The following XRN1 variants were observed in gnomAD, a reference collection of about 807,000 sequenced individuals.
The protein encoded by XRN1 is 5'-3' exoribonuclease 1.
A neutral mutation model predicts 222.3 loss-of-function variants in XRN1; 67 were observed. The observed-to-expected ratio is 0.30, with a 90% CI of 0.25 to 0.37. The LOEUF is 0.37. XRN1 is among the 10% of genes least tolerant of loss of function. The pLI is 1.00. For synonymous variants in XRN1, 643 were observed against 652.4 expected, an observed-to-expected ratio of 0.99 and a Z score of 0.22; for missense variants, 1,707 against 2,000.2, an observed-to-expected ratio of 0.85 and a Z score of 2.80.
intron 1 of XRN1, among the ~76,000 whole-genome samples, chr3:142,433,802 C>A (rs1441698354): frequency 1.3e-5 from 2 of 152,016 alleles, no homozygotes; most frequent in African/African-American, 2.4e-5. Context: ...TAATAGAAAT[C>A]ACTTCTGAAA....
chr3:142,374,051 G>C (rs946113794), intron 25 of XRN1, among the ~76,000 whole-genome samples: 2 of 152,048 alleles, frequency 1.3e-5, no homozygotes, highest in Non-Finnish European at 2.9e-5. Flanking sequence ...TCTACACCCA[G>C]GCAAACTATC....
At chr3:142,397,606 T>C in intron 19 of XRN1, 146 bp from the exon 20 acceptor site, 1 of 506,308 alleles carries the variant, frequency 2.0e-6, no homozygotes. Context: ...TACAAAACTA[T>C]AATAATTACA....
intron 15 of XRN1, chr3:142,407,702 G>A (rs1055482633): frequency 2.0e-5 from 3 of 152,164 alleles, no homozygotes; most frequent in Non-Finnish European, 2.9e-5. Flanking sequence ...GCTTGCGCAA[G>A]GGCCATGCTA....
intron 2 of XRN1, among the ~76,000 whole-genome samples, chr3:142,432,192 ATTTAT>A (rs890749458): frequency 9.3e-6 from 1 of 107,646 alleles, no homozygotes; most frequent in Admixed American, 1.0e-4. Flanking sequence ...TATATATAAA[ATTTAT>A]TTTATATATA....
chr3:142,385,378 T>C (rs1258993702), intron 20 of XRN1, among the ~76,000 whole-genome samples: 1 of 152,206 alleles, frequency 6.6e-6, no homozygotes, highest in Non-Finnish European at 1.5e-5. Flanking sequence ...AAAGGCCATA[T>C]ATCATATGAT....
chr3:142,394,065 G>T (rs2067837285), intron 20 of XRN1, among the ~76,000 whole-genome samples: 1 of 152,090 alleles, frequency 6.6e-6, no homozygotes. Context: ...GACCTCAAGA[G>T]ATCTGCCCAT....
intron 20 of XRN1, among the ~76,000 whole-genome samples, chr3:142,391,929 G>A (rs913920640): frequency 4.0e-5 from 6 of 150,876 alleles, no homozygotes; most frequent in African/African-American, 1.2e-4. Context: ...AGATCTGTCA[G>A]GAGCTGTTCT....
intron 35 of XRN1, 127 bp from the exon 36 acceptor site, chr3:142,332,661 T>G (rs546081120): frequency 6.5e-6 from 6 of 922,006 alleles, no homozygotes; most frequent in Non-Finnish European, 9.2e-6. Flanking sequence ...TTAACTACAT[T>G]CAGATAGAAA....
intron 39 of XRN1, among the ~76,000 whole-genome samples, chr3:142,317,741 T>C (rs1359480071): frequency 6.6e-6 from 1 of 152,202 alleles, no homozygotes; most frequent in Admixed American, 6.5e-5. Flanking sequence ...TCTTCTCTAA[T>C]AGTTTCTGAT....
At chr3:142,370,874 A>AAAAACAAAAC (rs372032073) in intron 26 of XRN1, among the ~76,000 whole-genome samples, 1 of 152,100 alleles carries the variant, frequency 6.6e-6, no homozygotes, top group East Asian at 1.9e-4. Flanking sequence ...AACAATGCAA[A>AAAAACAAAAC]AAAACAAAAC....
intron 20 of XRN1, among the ~76,000 whole-genome samples, chr3:142,387,932 C>A (rs555673968): frequency 6.6e-6 from 1 of 152,268 alleles, no homozygotes; most frequent in Non-Finnish European, 1.5e-5. Context: ...CACGCCTGTT[C>A]CTCTTTGTCT....
chr3:142,433,499 T>C (rs2069721835), intron 1 of XRN1, among the ~76,000 whole-genome samples: 3 of 152,224 alleles, frequency 2.0e-5, no homozygotes. Flanking sequence ...ATAACAAACA[T>C]CTGCTTTTAT....
intron 37 of XRN1, among the ~76,000 whole-genome samples, chr3:142,323,751 G>C (rs938716395): frequency 3.9e-4 from 59 of 152,118 alleles, no homozygotes; most frequent in African/African-American, 1.0e-3. Context: ...GCCAAGGTGG[G>C]AGGACTGCTT....
intron 1 of XRN1, among the ~76,000 whole-genome samples, chr3:142,434,370 A>T (rs1181125941): frequency 6.6e-6 from 1 of 151,986 alleles, no homozygotes. Context: ...AATACCAGCC[A>T]TGTTGCCCAG....
intron 2 of XRN1, among the ~76,000 whole-genome samples, chr3:142,428,447 G>C (rs1374599639): frequency 6.6e-6 from 1 of 151,956 alleles, no homozygotes; most frequent in East Asian, 1.9e-4. Context: ...CTCTAGTGGG[G>C]AGGTAGAAAA....
At chr3:142,414,054 T>G in intron 14 of XRN1, 81 bp downstream of exon 14, 12 of 1,320,628 alleles carry the variant, frequency 9.1e-6, no homozygotes, top group Non-Finnish European at 1.2e-5. Context: ...CAAATAAATT[T>G]GAGTATTATT....
intron 40 of XRN1, 126 bp from the exon 41 acceptor site, chr3:142,311,939 T>G: frequency 1.0e-6 from 1 of 960,312 alleles, no homozygotes; most frequent in Non-Finnish European, 1.5e-6. Context: ...CTTCCACTTA[T>G]AATTGCCAAG....
At chr3:142,439,423 C>T (rs138969916) in intron 1 of XRN1, among the ~76,000 whole-genome samples, 1 of 152,162 alleles carries the variant, frequency 6.6e-6, no homozygotes, top group African/African-American at 2.4e-5. Flanking sequence ...TGCTAACTTG[C>T]GTGCTAGAAG....
intron 33 of XRN1, among the ~76,000 whole-genome samples, chr3:142,344,473 C>G (rs1036779821): frequency 1.1e-4 from 17 of 151,926 alleles, no homozygotes; most frequent in African/African-American, 4.1e-4. Flanking sequence ...AGCAATTAGG[C>G]AACAAAAGAA....
Sources: gnomAD v4.1 joint callset for allele counts (sites outside exome capture counted in the v4.1 genomes callset) on GRCh38, gnomAD v4.1.1 for gene constraint, MANE v1.5 for transcripts, NCBI Gene and HGNC (gene_info 2026-07-23, HGNC 2026-07-21) for gene names.